Variants in BBS9 observed in about 807,000 individuals in gnomAD.
BBS9 encodes protein PTHB1.
In BBS9, 89 loss-of-function variants were observed where a neutral mutation model predicts 117.7. The observed-to-expected ratio is 0.76, with a 90% CI of 0.64 to 0.90. The LOEUF is 0.90. Among genes scored for constraint, BBS9 ranks in the 40% least tolerant of loss-of-function variants. The probability of loss-of-function intolerance (pLI) is 0.00; values close to 1 mark genes in which losing one functional copy is unlikely to be tolerated. For missense variants in BBS9, 982 were observed against 1,042.2 expected (o/e 0.94, Z 0.80); for synonymous variants, 379 against 370.9 (o/e 1.02, Z -0.25).
At chr7:33,513,230 C>T (rs1847233785) in intron 20 of BBS9, among the ~76,000 whole-genome samples, 1 of 152,182 alleles carries the variant, frequency 6.6e-6, no homozygotes, top group South Asian at 2.1e-4. Context: ...ATTGTGTCTC[C>T]TGTCTACCCT....
intron 7 of BBS9, among the ~76,000 whole-genome samples, chr7:33,265,690 A>G (rs956991981): frequency 1.3e-5 from 2 of 151,996 alleles, no homozygotes; most frequent in Non-Finnish European, 2.9e-5. Context: ...ACTAAAATAC[A>G]AAATTAGCTG....
At chr7:33,329,107 G>T (rs529472266) in intron 9 of BBS9, among the ~76,000 whole-genome samples, 4 of 152,032 alleles carry the variant, frequency 2.6e-5, no homozygotes, top group African/African-American at 7.2e-5. Flanking sequence ...TGCAACCTCC[G>T]CCTCCCGGAT....
chr7:33,499,928 GAA>G (rs1042192599), intron 19 of BBS9, among the ~76,000 whole-genome samples: 3 of 152,164 alleles, frequency 2.0e-5, no homozygotes, highest in African/African-American at 7.2e-5. Flanking sequence ...AGATTTTATA[GAA>G]AATAAATGAA....
chr7:33,187,282 A>T (rs1783285197), intron 5 of BBS9, among the ~76,000 whole-genome samples: 1 of 152,240 alleles, frequency 6.6e-6, no homozygotes, highest in Non-Finnish European at 1.5e-5. Flanking sequence ...AAGATATTTG[A>T]GCTAGAATTT....
chr7:33,325,937 C>G (rs548364763), intron 9 of BBS9, among the ~76,000 whole-genome samples: 1 of 152,232 alleles, frequency 6.6e-6, no homozygotes, highest in South Asian at 2.1e-4. Flanking sequence ...TGGGTAAGAG[C>G]TGAATCCAGA....
intron 21 of BBS9, among the ~76,000 whole-genome samples, chr7:33,601,568 G>C (rs1257628310): frequency 6.6e-6 from 1 of 151,912 alleles, no homozygotes; most frequent in Non-Finnish European, 1.5e-5. Flanking sequence ...TTGTTTCTTA[G>C]CAGATGTCAA....
intron 19 of BBS9, among the ~76,000 whole-genome samples, chr7:33,462,338 G>C (rs1839585659): frequency 6.6e-6 from 1 of 152,074 alleles, no homozygotes. Context: ...GAGGAAATAT[G>C]TAAAGTTTTT....
At chr7:33,301,207 A>G (rs1293091455) in intron 9 of BBS9, among the ~76,000 whole-genome samples, 9 of 152,074 alleles carry the variant, frequency 5.9e-5, no homozygotes, top group Admixed American at 5.9e-4. Flanking sequence ...AATCAGGATA[A>G]ATGGGATATC....
chr7:33,287,470 G>A (rs1803122056), intron 9 of BBS9, among the ~76,000 whole-genome samples: 1 of 152,162 alleles, frequency 6.6e-6, no homozygotes, highest in Admixed American at 6.6e-5. Context: ...TATCATTTAA[G>A]TCATTTTTGG....
chr7:33,360,289 T>A (rs1456283336), intron 16 of BBS9, among the ~76,000 whole-genome samples: 7 of 152,222 alleles, frequency 4.6e-5, no homozygotes, highest in Admixed American at 3.9e-4. Context: ...AATCAGAATG[T>A]TTTTAAAACT....
rs566747483 is a variant in BBS9 at position 33,298,749 on chromosome 7, G to A, written c.1016+24793G>A. 1.6e-3 allele frequency among the ~76,000 whole-genome samples: 249 copies of A among 152,296 alleles called. 2 individuals carry two copies. Among genetic ancestry groups the A allele is most frequent in the Non-Finnish European group, 4.9e-4 (33 of 68,008 alleles). On this transcript the variant is annotated intron_variant, in intron 9 of 22. Coordinates refer to ENST00000242067, the MANE Select transcript of BBS9 (RefSeq NM_198428.3). ...AAGTTCAAACAGTTCAAATCAGAGG[G>A]AGCTGGGAAATGGTGTTTCTTAGAG...
intron 9 of BBS9, among the ~76,000 whole-genome samples, chr7:33,290,217 G>T (rs1221672584): frequency 6.6e-6 from 1 of 151,982 alleles, no homozygotes; most frequent in Non-Finnish European, 1.5e-5. Context: ...ATCTGTTAAG[G>T]TCCTATAGTT....
At chr7:33,542,639 G>A (rs1852513857) in intron 21 of BBS9, among the ~76,000 whole-genome samples, 1 of 151,802 alleles carries the variant, frequency 6.6e-6, no homozygotes. Flanking sequence ...TCTCATCCAG[G>A]TCACTGCAAA....
At chr7:33,416,291 C>T (rs1237631962) in intron 19 of BBS9, among the ~76,000 whole-genome samples, 1 of 151,314 alleles carries the variant, frequency 6.6e-6, no homozygotes, top group Admixed American at 6.6e-5. Context: ...GTCCTGCCTT[C>T]TTCTGCTTGA....
chr7:33,420,767 G>A (rs1216877933), intron 19 of BBS9, among the ~76,000 whole-genome samples: 1 of 152,122 alleles, frequency 6.6e-6, no homozygotes, highest in Non-Finnish European at 1.5e-5. Flanking sequence ...TTTCTTTCCA[G>A]GCAGACAGGC....
intron 9 of BBS9, among the ~76,000 whole-genome samples, chr7:33,307,879 T>C (rs775067197): frequency 6.6e-6 from 1 of 152,136 alleles, no homozygotes; most frequent in Non-Finnish European, 1.5e-5. Context: ...ATTCCTCGGC[T>C]GTAGGACCTG....
At chr7:33,281,442 T>G (rs1367640974) in intron 9 of BBS9, among the ~76,000 whole-genome samples, 1 of 144,088 alleles carries the variant, frequency 6.9e-6, no homozygotes, top group Non-Finnish European at 1.5e-5. Context: ...GGTGTAATCA[T>G]AGCTTATTGC....
intron 17 of BBS9, among the ~76,000 whole-genome samples, chr7:33,368,577 T>TACACACACACACACACACACAC (rs201655079): frequency 4.1e-4 from 53 of 128,476 alleles, no homozygotes; most frequent in African/African-American, 1.4e-3. Flanking sequence ...GAGAAAAAAG[T>TACACACACACACACACACACAC]ACACACACAC....
chr7:33,472,015 A>C (rs1318528770), intron 19 of BBS9, among the ~76,000 whole-genome samples: 1 of 152,158 alleles, frequency 6.6e-6, no homozygotes, highest in Non-Finnish European at 1.5e-5. Flanking sequence ...TTAGGGCAAA[A>C]AAAACCCCAC....
Sources: allele counts gnomAD v4.1 joint callset (sites outside exome capture counted in the v4.1 genomes callset), GRCh38; gene constraint gnomAD v4.1.1; transcripts MANE v1.5; gene names NCBI Gene and HGNC (gene_info 2026-07-23, HGNC 2026-07-21).